The following CENPM variants were observed in gnomAD, a reference collection of about 807,000 sequenced individuals.
The protein encoded by CENPM is centromere protein M.
CENPM carries 14 observed loss-of-function variants against 19.6 expected under a neutral mutation model. The ratio of observed to expected loss-of-function variants is 0.71; its 90% CI spans 0.47 to 1.11. The LOEUF (loss-of-function observed/expected upper bound fraction) is 1.11, where lower values mean the gene tolerates loss of function less well. CENPM is among the 50% of genes most tolerant of loss of function. The pLI, the probability that CENPM is intolerant of heterozygous loss-of-function variation, is 0.00. For synonymous variants in CENPM, 114 were observed against 101.5 expected, an observed-to-expected ratio of 1.12 and a Z score of -0.74; for missense variants, 239 against 228.4, an observed-to-expected ratio of 1.05 and a Z score of -0.30.
downstream of CENPM, among the ~76,000 whole-genome samples, chr22:41,936,050 A>G (rs2077682285): frequency 6.6e-6 from 1 of 152,072 alleles, no homozygotes; most frequent in African/African-American, 2.4e-5. Flanking sequence ...TTGTATTTTT[A>G]GTAAAGGCGG....
chr22:41,928,624 G>T, the CENPM span, among the ~76,000 whole-genome samples: 8 of 152,210 alleles, frequency 5.3e-5, no homozygotes, highest in South Asian at 2.1e-4. The surrounding 1 kb of genome is among the most constrained non-coding windows in gnomAD (Gnocchi z 4.0). Flanking sequence ...GGGCTGCAGG[G>T]GCTAAGGCTT....
downstream of CENPM, among the ~76,000 whole-genome samples, chr22:41,937,799 G>C (rs574055669): frequency 6.6e-6 from 1 of 152,140 alleles, no homozygotes; most frequent in African/African-American, 2.4e-5. Context: ...CCAGGATGTG[G>C]AGTCTGACTG....
At chr22:41,946,874 T>C (rs918109101) in intron 1 of CENPM, 146 bp downstream of exon 1, 42 of 777,282 alleles carry the variant, frequency 5.4e-5, no homozygotes, top group Non-Finnish European at 8.0e-5. Flanking sequence ...CTCCAATTGG[T>C]TCAGAGCATG....
rs1324595230 is a variant in CENPM at position 41,945,985 on chromosome 22, G to T, written c.158C>A (p.Pro53His). The change falls in exon 3 of 6, where the codon CCT becomes CAT. Residue 53 changes from proline to histidine, a missense_variant. By Grantham distance (77) the Pro-to-His change is moderately conservative. Transcript: ENST00000215980. ...ELKVHLAKSL[P>H]LPSSVNRPRI... is the part of the protein sequence containing the mutation. Reference sequence around the variant, plus strand: ...GGGCCGATTCACACTGGAGGGCAAAGGGAGGGACTTTGCCAAGTGGCTGAA... The same window carrying T: ...GGGCCGATTCACACTGGAGGGCAAATGGAGGGACTTTGCCAAGTGGCTGAA... 2 of 1,613,866 alleles carry T rather than the reference G, an allele frequency of 1.2e-6. No homozygotes were observed. The highest frequency in any genetic ancestry group is 1.3e-5 in the African/African-American group (1 of 74,942).
At chr22:41,929,475 G>A in the CENPM span, among the ~76,000 whole-genome samples, 10 of 152,226 alleles carry the variant, frequency 6.6e-5, no homozygotes, top group African/African-American at 2.2e-4. Context: ...GAGGGGGTCC[G>A]CCTGCCCCAG....
At chr22:41,946,940 A>T in intron 1 of CENPM, 80 bp downstream of exon 1, 1 of 1,443,766 alleles carries the variant, frequency 6.9e-7, no homozygotes, top group South Asian at 1.1e-5. Context: ...TTGGCGCCTC[A>T]GAGAGCTCAG....
the CENPM span, among the ~76,000 whole-genome samples, chr22:41,931,302 C>G: frequency 6.7e-6 from 1 of 149,216 alleles, no homozygotes; most frequent in Non-Finnish European, 1.5e-5. Context: ...AACCCTCTCT[C>G]TATAAGAAAT....
Position 41,945,230 on chromosome 22 carries a change from G to C in CENPM, c.305C>G (p.Thr102Arg). The C allele has an allele frequency of 6.2e-7, 1 of 1,613,942 alleles. No individual in the cohort carries two copies. Among genetic ancestry groups the C allele is most frequent in the Non-Finnish European group, 8.5e-7 (1 of 1,180,000 alleles). ...CAGGCGAGGAACGTACTTACCACCTGTGGCGAGGAAACACACCTTCCCCAA... is the reference window on the plus strand; with the variant it reads ...CAGGCGAGGAACGTACTTACCACCTCTGGCGAGGAAACACACCTTCCCCAA... ...FFLGKVCFLA[T>R]GAGRESHCSI... is the part of the protein sequence containing the mutation. Residue 102 changes from threonine to arginine, a missense_variant, in exon 4 of 6, where the codon ACA becomes AGA. Transcript: ENST00000215980.
At chr22:41,940,814 T>A (rs144398661) in intron 5 of CENPM, among the ~76,000 whole-genome samples, 7 of 152,232 alleles carry the variant, frequency 4.6e-5, no homozygotes, top group Admixed American at 6.5e-5. Context: ...CTGAAATCTA[T>A]CTCTAGGCTG....
At chr22:41,942,590 A>G (rs1159329760) in intron 5 of CENPM, among the ~76,000 whole-genome samples, 1 of 152,068 alleles carries the variant, frequency 6.6e-6, no homozygotes, top group African/African-American at 2.4e-5. Context: ...CTCTACTAAA[A>G]AATACAAAAA....
chr22:41,932,799 C>G, the CENPM span, among the ~76,000 whole-genome samples: 1 of 152,192 alleles, frequency 6.6e-6, no homozygotes, highest in African/African-American at 2.4e-5. The surrounding 1 kb of genome is among the most constrained non-coding windows in gnomAD (Gnocchi z 4.3). Flanking sequence ...ACCTCCCAGG[C>G]CTTATTCAGG....
chr22:41,946,038 T>G (rs373276480), intron 2 of CENPM, 33 bp from the exon 3 acceptor site: 1 of 1,560,040 alleles, frequency 6.4e-7, no homozygotes, highest in Non-Finnish European at 8.8e-7. Context: ...ACTCAAGATA[T>G]CCGTACCCCC....
downstream of CENPM, among the ~76,000 whole-genome samples, chr22:41,935,769 C>T (rs1250992754): frequency 4.6e-5 from 7 of 152,240 alleles, no homozygotes; most frequent in Admixed American, 2.0e-4. Flanking sequence ...TGGTCCCATC[C>T]TGAGGCAGGA....
intron 3 of CENPM, 157 bp from the exon 4 acceptor site, chr22:41,945,461 T>A (rs1272107320): frequency 1.4e-6 from 2 of 1,426,138 alleles, no homozygotes; most frequent in Admixed American, 5.7e-5. Flanking sequence ...TTTTTTTTTT[T>A]TTTTTTTTAG....
chr22:41,938,141 A>ATTTTT (rs11440934), downstream of CENPM, among the ~76,000 whole-genome samples: 1 of 120,062 alleles, frequency 8.3e-6, no homozygotes, highest in African/African-American at 3.2e-5. Context: ...CGCGCCCAGC[A>ATTTTT]TTTTTTTTTT....
At chr22:41,935,196 C>T (rs1159896718), downstream of CENPM, among the ~76,000 whole-genome samples, 2 of 152,170 alleles carry the variant, frequency 1.3e-5, no homozygotes, top group Non-Finnish European at 2.9e-5. Flanking sequence ...CTGGAGAATG[C>T]GATGCCACTT....
At chr22:41,943,565 C>T (rs780026433) in intron 5 of CENPM, 45 bp downstream of exon 5, 34 of 1,550,132 alleles carry the variant, frequency 2.2e-5, no homozygotes, top group Non-Finnish European at 3.0e-5. Context: ...CCACCCTTTC[C>T]CCGCACCCGA....
chr22:41,940,316 ACACGC>A (rs969693520), intron 5 of CENPM: 10 of 608,462 alleles, frequency 1.6e-5, no homozygotes, highest in Admixed American at 7.6e-5. Flanking sequence ...CCACCACCTG[ACACGC>A]CACGCCTCCA....
At chr22:41,946,527 C>G (rs1249242273) in intron 1 of CENPM, 31 bp from the exon 2 acceptor site, 2 of 1,596,924 alleles carry the variant, frequency 1.3e-6, no homozygotes, top group African/African-American at 2.7e-5. Context: ...GACAGTCGAG[C>G]CCTAGGCACA....
Sources: gnomAD v4.1 joint callset for allele counts (sites outside exome capture counted in the v4.1 genomes callset) on GRCh38, gnomAD v4.1.1 for gene constraint, Gnocchi (gnomAD v3.1) non-coding constraint, MANE v1.5 for transcripts, NCBI Gene and HGNC (gene_info 2026-07-23, HGNC 2026-07-21) for gene names.